Variants in FKBP14 observed in about 807,000 individuals in gnomAD.
FKBP14 encodes the protein peptidyl-prolyl cis-trans isomerase FKBP14.
Under a neutral mutation model 21.6 loss-of-function variants are expected in FKBP14, and 20 were observed. The observed-to-expected ratio is 0.92, with a 90% CI of 0.65 to 1.34. FKBP14 has a LOEUF of 1.34. Ranked by LOEUF, FKBP14 falls within the 40% of genes most tolerant of loss-of-function variation. The pLI, the probability that FKBP14 is intolerant of heterozygous loss-of-function variation, is 0.00. For synonymous variants in FKBP14, 79 were observed against 86.7 expected (o/e 0.91, Z 0.49); for missense variants, 253 against 249.0 (o/e 1.02, Z -0.11).
At position 30,012,385 on chromosome 7, in the gene FKBP14, A is replaced by C. The variant is rs962231258; in HGVS notation, c.*2350T>G. 1 of 152,288 alleles carries C rather than the reference A, an allele frequency of 6.6e-6. No individual in the cohort carries two copies. Among genetic ancestry groups the C allele is most frequent in the Non-Finnish European group, 1.5e-5 (1 of 68,046 alleles). The allele number at this position is 152,288 out of a possible 1,614,324, so 9.4% of individuals were successfully genotyped here. A position where few individuals can be genotyped will look rare whatever the true frequency, so the allele number is the denominator to read the frequency against. Reference sequence around the variant, plus strand: ...TTCTTGCCCTACTATAGATAGCATCAGTAATGTTTATACAGAGTAGCACCA... The same window carrying C: ...TTCTTGCCCTACTATAGATAGCATCCGTAATGTTTATACAGAGTAGCACCA... On this transcript the variant is annotated 3_prime_UTR_variant, in exon 4 of 4. Coordinates refer to ENST00000222803, the MANE Select transcript of FKBP14 (RefSeq NM_017946.4).
In FKBP14 at chr7:30,014,526, C is replaced by G. The variant is rs1181279698; in HGVS notation, c.*209G>C. On this transcript the variant is annotated 3_prime_UTR_variant, in exon 4 of 4. Transcript: ENST00000222803. ...AAAAATTGTCCAGAAGTCTTCTATT[C>G]AAAGACCAATTAGCTTTTTCTTCCC... 4.2e-5 allele frequency: 14 copies of G among 331,878 alleles called. No homozygotes were observed. The highest frequency in any genetic ancestry group is 4.8e-5 in the Non-Finnish European group (9 of 186,434). 20.6% of individuals were successfully genotyped at this position (331,878 alleles called of 1,614,324 possible). A position where few individuals can be genotyped will look rare whatever the true frequency, so the allele number is the denominator to read the frequency against.
downstream of FKBP14, among the ~76,000 whole-genome samples, chr7:30,007,218 T>G (rs1789633160): frequency 1.3e-5 from 2 of 151,524 alleles, no homozygotes; most frequent in Non-Finnish European, 1.5e-5. Flanking sequence ...TTTGTTTTTT[T>G]TTTTTTTTTT....
chr7:30,019,865 A>G (rs1455480285), intron 2 of FKBP14, among the ~76,000 whole-genome samples: 1 of 152,168 alleles, frequency 6.6e-6, no homozygotes, highest in Non-Finnish European at 1.5e-5. Flanking sequence ...AAAGTTAGGA[A>G]ACACTACCTC....
chr7:30,018,976 T>C lies in FKBP14; in HGVS notation c.477+20A>G. The stretch of plus-strand genomic sequence containing the variant: ...AACCAAAGAAAAGTAGAAAGAGGAG[T>C]AGGAAGAAGGAAAGGTCACCTCATC... On this transcript the variant is annotated intron_variant, in intron 3 of 3. Transcript: ENST00000222803. 6.3e-7 allele frequency: 1 copy of C among 1,594,748 alleles called. No homozygotes were observed. The highest frequency in any genetic ancestry group is 8.5e-7 in the Non-Finnish European group (1 of 1,172,900).
intron 3 of FKBP14, among the ~76,000 whole-genome samples, chr7:30,018,217 T>C (rs2127947969): frequency 6.6e-6 from 1 of 152,298 alleles, no homozygotes; most frequent in South Asian, 2.1e-4. Flanking sequence ...CAATTTGGCT[T>C]ATTCAAGACT....
intron 2 of FKBP14, 199 bp downstream of exon 2, chr7:30,022,466 A>G (rs945465364): frequency 2.1e-6 from 1 of 477,664 alleles, no homozygotes; most frequent in Non-Finnish European, 3.7e-6. Context: ...TATTGTTAGC[A>G]TAGTTGCCCA....
At chr7:30,016,529 G>T (rs1274497324) in intron 3 of FKBP14, among the ~76,000 whole-genome samples, 1 of 151,992 alleles carries the variant, frequency 6.6e-6, no homozygotes, top group Non-Finnish European at 1.5e-5. Context: ...TAGTAGCTGG[G>T]ATTACAGGCA....
downstream of FKBP14, among the ~76,000 whole-genome samples, chr7:30,009,417 A>G (rs62446668): frequency 0.17 from 25,706 of 151,630 alleles, 2,213 homozygotes; most frequent in Middle Eastern, 0.23. Flanking sequence ...ATTTTTAGTA[A>G]AGACAGGGTT....
rs765841495 is a variant in FKBP14, at chr7:30,022,700, A to G, written c.314T>C (p.Ile105Thr). 19 of 1,614,020 alleles carry G rather than the reference A, an allele frequency of 1.2e-5. No homozygotes were observed. Among genetic ancestry groups the G allele is most frequent in the Non-Finnish European group, 5.1e-6 (6 of 1,180,010 alleles). The stretch of plus-strand genomic sequence containing the variant: ...TTTTCCATAGCCCAGAGCAGGAGGA[A>G]TGATGAGCTTTCTCTTCTCTCCTAC... The part of the protein sequence containing the change: ...MCVGEKRKLI[I>T]PPALGYGKEG... Residue 105 changes from isoleucine (I) to threonine (T), a missense_variant, in exon 2 of 4, where the codon ATT becomes ACT. Physicochemically the swap from Ile to Thr is moderately conservative, Grantham distance 89. Transcript: ENST00000222803.
intron 3 of FKBP14, among the ~76,000 whole-genome samples, chr7:30,017,358 C>A (rs906744403): frequency 3.3e-5 from 5 of 152,020 alleles, no homozygotes; most frequent in African/African-American, 1.2e-4. Flanking sequence ...ATCACAAAGT[C>A]AGGAGCTTGA....
downstream of FKBP14, among the ~76,000 whole-genome samples, chr7:30,009,088 G>A (rs928823858): frequency 6.6e-6 from 1 of 152,078 alleles, no homozygotes; most frequent in Non-Finnish European, 1.5e-5. Context: ...AAGGTAAAAT[G>A]GGCAAGAAAC....
At chr7:30,014,976 T>TA (rs1299390034) in intron 3 of FKBP14, 83 bp from the exon 4 acceptor site, 1 of 836,584 alleles carries the variant, frequency 1.2e-6, no homozygotes, top group Non-Finnish European at 1.8e-6. Context: ...CATGGACTGT[T>TA]ATTATATTTA....
chr7:30,026,373 C>T lies in FKBP14; in HGVS notation c.136G>A (p.Asp46Asn). The T allele has an allele frequency of 8.7e-6, 14 of 1,614,110 alleles. No individual in the cohort carries two copies. The highest frequency in any genetic ancestry group is 1.1e-5 in the Non-Finnish European group (13 of 1,179,978). Residue 46 changes from aspartate (D) to asparagine (N), a missense_variant, in exon 1 of 4, where the codon GAT becomes AAT. Physicochemically the swap from Asp to Asn is conservative, Grantham distance 23. Transcript: ENST00000222803. The stretch of plus-strand genomic sequence containing the variant: ...CCTTCATAGTGGACCAACATCAAAT[C>T]CCCTCCTTTGGTCTTGCGATGGCAG... Reference protein sequence around the residue: ...FICHRKTKGGDLMLVHYEGYL... With the variant: ...FICHRKTKGGNLMLVHYEGYL...
downstream of FKBP14, among the ~76,000 whole-genome samples, chr7:30,007,701 C>G (rs1052680345): frequency 7.9e-5 from 12 of 152,138 alleles, no homozygotes; most frequent in African/African-American, 2.9e-4. Flanking sequence ...TTATCTGTCC[C>G]TCAAATTCAG....
chr7:30,022,704 T>C lies in FKBP14; in HGVS notation c.310A>G (p.Ile104Val). 6.2e-7 allele frequency: 1 copy of C among 1,614,050 alleles called. No homozygotes were observed. The highest frequency in any genetic ancestry group is 8.5e-7 in the Non-Finnish European group (1 of 1,179,926). Residue 104 changes from isoleucine to valine, a missense_variant, in exon 2 of 4, where the codon ATC (isoleucine) becomes GTC (valine). Ile to Val is a conservative substitution (Grantham distance 29, BLOSUM62 3). Coordinates refer to ENST00000222803, the MANE Select transcript of FKBP14 (RefSeq NM_017946.4). ...GMCVGEKRKL[I>V]IPPALGYGKE... ...CCATAGCCCAGAGCAGGAGGAATGA[T>C]GAGCTTTCTCTTCTCTCCTACACAC... is the stretch of plus-strand genomic sequence containing the variant.
intron 2 of FKBP14, among the ~76,000 whole-genome samples, chr7:30,021,706 C>G (rs1043459716): frequency 6.6e-6 from 1 of 152,112 alleles, no homozygotes; most frequent in African/African-American, 2.4e-5. Context: ...TAGGTGCACT[C>G]CACTACGTTC....
Position 30,026,406 on chromosome 7 carries a change from G to T in FKBP14, c.103C>A (p.Pro35Thr), listed in dbSNP as rs143937777. Residue 35 changes from proline to threonine, a missense_variant, in exon 1 of 4, where the codon CCA becomes ACA. Transcript: ENST00000222803. ...PEVKIEVLQK[P>T]FICHRKTKGG... ...TTGGTCTTGCGATGGCAGATGAATG[G>T]CTTCTGGAGAACTTCAATTTTCACT... 1.1e-5 allele frequency: 18 copies of T among 1,614,028 alleles called. No individual in the cohort carries two copies. The highest frequency in any genetic ancestry group is 1.6e-4 in the Middle Eastern group (1 of 6,084).
rs1188352532 is a variant in FKBP14, at chr7:30,012,931, A to AC, written c.*1803dup. ...GCAGTAGAAGACACTGAACTTGGGG[A>AC]CTGAATACTGGTTCTGCAGGTTAGT... On this transcript the variant is annotated 3_prime_UTR_variant, in exon 4 of 4. Transcript: ENST00000222803. The AC allele has an allele frequency of 2.0e-5, 3 of 152,170 alleles. No homozygotes were observed. The highest frequency in any genetic ancestry group is 2.0e-4 in the Admixed American group (3 of 15,266). 9.4% of individuals were successfully genotyped at this position (152,170 alleles called of 1,614,324 possible).
intron 3 of FKBP14, among the ~76,000 whole-genome samples, chr7:30,017,643 A>C (rs1239260819): frequency 1.3e-5 from 2 of 152,130 alleles, no homozygotes; most frequent in African/African-American, 4.8e-5. Context: ...TCTCAGCCTC[A>C]AGCAATCTTC....
Sources: gnomAD v4.1 joint callset for allele counts (sites outside exome capture counted in the v4.1 genomes callset) on GRCh38, gnomAD v4.1.1 for gene constraint, MANE v1.5 for transcripts, NCBI Gene and HGNC (gene_info 2026-07-23, HGNC 2026-07-21) for gene names.